PARP16: variants seen among roughly 807,000 people sequenced by gnomAD.
PARP16 encodes the protein poly(ADP-ribose) polymerase family member 16.
PARP16 carries 31 observed loss-of-function variants against 35.0 expected under a neutral mutation model. The ratio of observed to expected loss-of-function variants is 0.88; its 90% CI spans 0.66 to 1.19. The LOEUF is 1.19. Ranked by LOEUF, PARP16 falls within the 50% of genes most tolerant of loss-of-function variation. The pLI is 0.00. For missense variants in PARP16, 424 were observed against 411.2 expected, an observed-to-expected ratio of 1.03 and a Z score of -0.27; for synonymous variants, 162 against 169.5, an observed-to-expected ratio of 0.96 and a Z score of 0.34.
At chr15:65,249,673 A>G (rs1217039201) in intron 2 of PARP16, among the ~76,000 whole-genome samples, 1 of 152,130 alleles carries the variant, frequency 6.6e-6, no homozygotes, top group East Asian at 1.9e-4. Flanking sequence ...ATCTCAGGCA[A>G]TCAGGGGGAT....
downstream of PARP16, among the ~76,000 whole-genome samples, chr15:65,231,679 C>T (rs2088779718): frequency 6.6e-6 from 1 of 152,122 alleles, no homozygotes; most frequent in South Asian, 2.1e-4. Context: ...AACTCCTGAC[C>T]TCAAGTGATC....
intron 3 of PARP16, among the ~76,000 whole-genome samples, chr15:65,240,645 A>T (rs1444719087): frequency 6.6e-6 from 1 of 152,060 alleles, no homozygotes; most frequent in Non-Finnish European, 1.5e-5. Flanking sequence ...TTTTTTACCC[A>T]TTCACTTGAT....
intron 1 of PARP16, among the ~76,000 whole-genome samples, chr15:65,282,845 C>T (rs2090460026): frequency 6.6e-6 from 1 of 151,988 alleles, no homozygotes; most frequent in Non-Finnish European, 1.5e-5. Context: ...GGAGGATGGG[C>T]CCCAAACAGA....
chr15:65,282,600 G>A (rs1196139513), intron 1 of PARP16: 1 of 152,252 alleles, frequency 6.6e-6, no homozygotes, highest in Non-Finnish European at 1.5e-5. Flanking sequence ...AAGAATCTAT[G>A]TAGTCTGGGC....
Position 65,286,462 on chromosome 15 carries a change from G to A in PARP16, c.-36C>T, listed in dbSNP as rs943306889. 11 of 1,420,342 alleles carry A rather than the reference G, an allele frequency of 7.7e-6. No homozygotes were observed. Among genetic ancestry groups the A allele is most frequent in the Non-Finnish European group, 1.0e-5 (11 of 1,086,428 alleles). The allele number at this position is 1,420,342 out of a possible 1,614,324, so 88.0% of individuals were successfully genotyped here. ...TGCGCGTTGCCGGGGTAGACGCGCTGGTTAGGGGCAAGGGCGAGCGTGCGT... is the reference window on the plus strand; with the variant it reads ...TGCGCGTTGCCGGGGTAGACGCGCTAGTTAGGGGCAAGGGCGAGCGTGCGT... On this transcript the variant is annotated 5_prime_UTR_variant, in exon 1 of 6. Transcript: ENST00000649807.
intron 1 of PARP16, chr15:65,282,564 G>T (rs1412327698): frequency 6.6e-6 from 1 of 152,240 alleles, no homozygotes; most frequent in Admixed American, 6.5e-5. Context: ...CAGTCTTGCT[G>T]CTGACGGCCA....
downstream of PARP16, among the ~76,000 whole-genome samples, chr15:65,232,886 C>T (rs2088796350): frequency 2.1e-5 from 3 of 140,578 alleles, no homozygotes; most frequent in African/African-American, 8.0e-5. Context: ...GTGAGAGCCC[C>T]ATCTCTACAA....
At chr15:65,260,735 A>T (rs1016755388) in intron 5 of PARP16, 150 bp downstream of exon 5, 3 of 687,426 alleles carry the variant, frequency 4.4e-6, no homozygotes, top group Admixed American at 4.6e-5. Flanking sequence ...TCCAGATCCT[A>T]TCTCTCACTT....
chr15:65,248,104 G>A (rs1045300778), intron 3 of PARP16: 10 of 452,120 alleles, frequency 2.2e-5, no homozygotes, highest in African/African-American at 4.0e-5. Context: ...GCTCCCGGCC[G>A]GATTGTTCTT....
intron 1 of PARP16, among the ~76,000 whole-genome samples, chr15:65,273,235 G>A (rs150676961): frequency 0.024 from 2,987 of 125,640 alleles, 45 homozygotes; most frequent in African/African-American, 0.046. Context: ...CCAAGATGGC[G>A]CCACTGCACT....
intron 3 of PARP16, among the ~76,000 whole-genome samples, chr15:65,242,119 G>A (rs1423898962): frequency 6.6e-6 from 1 of 152,108 alleles, no homozygotes; most frequent in Non-Finnish European, 1.5e-5. Context: ...ACCATTTGTT[G>A]AAAATACTAT....
downstream of PARP16, among the ~76,000 whole-genome samples, chr15:65,253,703 C>T (rs1289391872): frequency 6.6e-6 from 1 of 152,176 alleles, no homozygotes; most frequent in African/African-American, 2.4e-5. Flanking sequence ...CTTTGCACCC[C>T]TTTATTCACT....
chr15:65,234,484 T>C (rs1333723243), exon 4 of PARP16: 3 of 152,220 alleles, frequency 2.0e-5, no homozygotes, highest in Non-Finnish European at 4.4e-5. Context: ...CCTATCCACA[T>C]TTATTCATTC....
At chr15:65,283,677 TA>T (rs2090487129) in intron 1 of PARP16, among the ~76,000 whole-genome samples, 1 of 152,162 alleles carries the variant, frequency 6.6e-6, no homozygotes, top group African/African-American at 2.4e-5. Flanking sequence ...AGCTGAGAGC[TA>T]GGGGGTGTCC....
At chr15:65,267,395 C>T (rs564597248) in intron 2 of PARP16, among the ~76,000 whole-genome samples, 80 of 151,906 alleles carry the variant, frequency 5.3e-4, no homozygotes, top group African/African-American at 1.9e-3. Flanking sequence ...ATCATGAGGT[C>T]AGGAGATCAA....
At chr15:65,274,181 T>C (rs535357665) in intron 1 of PARP16, among the ~76,000 whole-genome samples, 15 of 151,178 alleles carry the variant, frequency 9.9e-5, no homozygotes, top group Non-Finnish European at 2.2e-4. Context: ...TGAACTCAAG[T>C]GATCCTCCTG....
downstream of PARP16, among the ~76,000 whole-genome samples, chr15:65,233,211 A>G (rs1209570751): frequency 6.6e-6 from 1 of 151,830 alleles, no homozygotes; most frequent in Non-Finnish European, 1.5e-5. Context: ...CAGGAGATTG[A>G]GACCATCCTG....
chr15:65,251,322 A>G (rs1390366270), intron 2 of PARP16, among the ~76,000 whole-genome samples: 1 of 152,360 alleles, frequency 6.6e-6, no homozygotes, highest in African/African-American at 2.4e-5. Context: ...TACATTAAAA[A>G]TAATGATGCT....
intron 3 of PARP16, among the ~76,000 whole-genome samples, chr15:65,265,473 A>G (rs968894734): frequency 1.3e-5 from 2 of 152,160 alleles, no homozygotes; most frequent in Admixed American, 6.5e-5. Flanking sequence ...TGCTCCTCCT[A>G]TACCTGAGGG....
Sources: gnomAD v4.1 joint callset for allele counts (sites outside exome capture counted in the v4.1 genomes callset) on GRCh38, gnomAD v4.1.1 for gene constraint, MANE v1.5 for transcripts, NCBI Gene and HGNC (gene_info 2026-07-23, HGNC 2026-07-21) for gene names.